HTR4: variants seen among roughly 807,000 people sequenced by gnomAD.
The protein encoded by HTR4 is 5-hydroxytryptamine receptor 4.
HTR4 carries 16 observed loss-of-function variants against 36.8 expected under a neutral mutation model. The ratio of observed to expected loss-of-function variants is 0.43; its 90% CI spans 0.29 to 0.66. The LOEUF (loss-of-function observed/expected upper bound fraction) is 0.66, where lower values mean the gene tolerates loss of function less well. Among genes scored for constraint, HTR4 ranks in the 30% least tolerant of loss-of-function variants. HTR4 has a pLI of 0.13. For synonymous variants in HTR4, 189 were observed against 185.1 expected (o/e 1.02, Z -0.17); for missense variants, 438 against 490.9 (o/e 0.89, Z 1.02).
At chr5:148,473,004 A>G, downstream of HTR4, among the ~76,000 whole-genome samples, 1 of 152,184 alleles carries the variant, frequency 6.6e-6, no homozygotes, top group East Asian at 1.9e-4. Context: ...TGTAGAGGGA[A>G]AAAAGGTAGA....
chr5:148,484,891 C>T (rs1414462006), intron 6 of HTR4, among the ~76,000 whole-genome samples: 1 of 152,086 alleles, frequency 6.6e-6, no homozygotes, highest in African/African-American at 2.4e-5. Flanking sequence ...GCCCTCAGGC[C>T]TTTACATACT....
chr5:148,572,876 G>A lies in HTR4; in HGVS notation c.27-22614C>T, dbSNP rs564195721. Among the ~76,000 whole-genome samples, 12 of 152,154 alleles carry A rather than the reference G, an allele frequency of 7.9e-5. No homozygotes were observed. The South Asian group carries it at 1.2e-3, about 16-fold the overall frequency. On this transcript the variant is annotated intron_variant, in intron 2 of 6. Transcript: ENST00000377888. ...CAGGCTATGGATTCTAAAAGATATC[G>A]TGAATGCTAAAAGTGCTGGAAGATT...
chr5:148,617,500 G>A (rs534075425), intron 2 of HTR4, among the ~76,000 whole-genome samples: 25 of 149,138 alleles, frequency 1.7e-4, no homozygotes, highest in African/African-American at 6.0e-4. Context: ...ATGGAGTCTT[G>A]CCCTGTCACA....
chr5:148,654,002 T>G, intron 1 of HTR4, 60 bp downstream of exon 1: 2 of 932,352 alleles, frequency 2.1e-6, no homozygotes, highest in Non-Finnish European at 2.6e-6. Flanking sequence ...CCCCGCCGCG[T>G]CCCCACCGGC....
At chr5:148,642,999 T>C (rs1180607244) in intron 1 of HTR4, among the ~76,000 whole-genome samples, 2 of 152,184 alleles carry the variant, frequency 1.3e-5, no homozygotes, top group African/African-American at 4.8e-5. Context: ...TGCTGGATCT[T>C]ATTAGCACTG....
chr5:148,597,652 C>T (rs1276126879), intron 2 of HTR4, among the ~76,000 whole-genome samples: 1 of 152,204 alleles, frequency 6.6e-6, no homozygotes, highest in Non-Finnish European at 1.5e-5. Flanking sequence ...TCCCCAACCA[C>T]TGTCTAGCCT....
At chr5:148,469,028 T>G (rs1157951770) in intron 5 of HTR4, among the ~76,000 whole-genome samples, 1 of 152,188 alleles carries the variant, frequency 6.6e-6, no homozygotes, top group African/African-American at 2.4e-5. Flanking sequence ...GTGAGTCAAT[T>G]AAACCTGTTT....
At chr5:148,565,568 G>A (rs1760397873) in intron 2 of HTR4, among the ~76,000 whole-genome samples, 1 of 143,358 alleles carries the variant, frequency 7.0e-6, no homozygotes, top group African/African-American at 2.6e-5. Flanking sequence ...AATCATAAGA[G>A]AAGCAGGGAG....
At chr5:148,533,831 G>T (rs113727297) in intron 4 of HTR4, among the ~76,000 whole-genome samples, 14 of 152,198 alleles carry the variant, frequency 9.2e-5, no homozygotes, top group African/African-American at 3.4e-4. Context: ...GAAATAATAT[G>T]TTTAAAACAT....
At chr5:148,556,365 A>T (rs1759953217) in intron 2 of HTR4, among the ~76,000 whole-genome samples, 1 of 152,286 alleles carries the variant, frequency 6.6e-6, no homozygotes, top group South Asian at 2.1e-4. Flanking sequence ...GGTTTTGTTC[A>T]TAAACAGCTG....
intron 1 of HTR4, among the ~76,000 whole-genome samples, chr5:148,647,721 T>C (rs902408236): frequency 6.6e-6 from 1 of 152,188 alleles, no homozygotes; most frequent in Admixed American, 6.5e-5. Flanking sequence ...TGGTGTTGCA[T>C]GCCTGTAGTC....
chr5:148,529,559 T>C (rs1384243853), intron 4 of HTR4, among the ~76,000 whole-genome samples: 1 of 152,238 alleles, frequency 6.6e-6, no homozygotes, highest in Non-Finnish European at 1.5e-5. Context: ...TGTGAGTCCA[T>C]TGAATCTCTT....
At chr5:148,472,971 A>G (rs535659192), downstream of HTR4, among the ~76,000 whole-genome samples, 3 of 152,274 alleles carry the variant, frequency 2.0e-5, no homozygotes, top group African/African-American at 7.2e-5. Context: ...TTTTAAAAAC[A>G]TCAGCCTGAT....
rs552656405 is a variant in HTR4 at position 148,504,674 on chromosome 5, A to G, written c.1076+4782T>C. On this transcript the variant is annotated intron_variant, in intron 6 of 6. Coordinates refer to ENST00000377888, the MANE Select transcript of HTR4 (RefSeq NM_000870.7). ...AGAACTGAAGGAAATAGAGACACAA[A>G]AAACCCTTCAAAAAATCAATGAATC... Among the ~76,000 whole-genome samples the G allele has an allele frequency of 2.0e-5, 3 of 152,284 alleles. No individual in the cohort carries two copies. In the South Asian group the frequency reaches 6.2e-4, roughly 32 times the overall value.
downstream of HTR4, among the ~76,000 whole-genome samples, chr5:148,478,131 T>C (rs571189675): frequency 1.3e-5 from 2 of 152,328 alleles, no homozygotes; most frequent in South Asian, 4.1e-4. Context: ...CCCTGCCTCA[T>C]AGTCGGTGTT....
chr5:148,555,946 TCA>T (rs60289333), intron 2 of HTR4, among the ~76,000 whole-genome samples: 198 of 149,372 alleles, frequency 1.3e-3, no homozygotes, highest in Middle Eastern at 3.5e-3. Flanking sequence ...TTATACTTTG[TCA>T]CACACACACA....
At chr5:148,586,939 C>CT (rs1232861513) in intron 2 of HTR4, among the ~76,000 whole-genome samples, 1 of 152,120 alleles carries the variant, frequency 6.6e-6, no homozygotes, top group African/African-American at 2.4e-5. Context: ...CACAGATTTT[C>CT]TTTTTCTTTT....
At chr5:148,638,549 G>A (rs1284084740) in intron 1 of HTR4, among the ~76,000 whole-genome samples, 5 of 152,138 alleles carry the variant, frequency 3.3e-5, no homozygotes, top group Non-Finnish European at 7.3e-5. Context: ...TTTCCCAGGT[G>A]TAGACAGTGC....
chr5:148,564,053 T>G (rs1760330332), intron 2 of HTR4, among the ~76,000 whole-genome samples: 1 of 152,224 alleles, frequency 6.6e-6, no homozygotes, highest in South Asian at 2.1e-4. Context: ...ATTAGCTAAT[T>G]TCTCCCTCTT....
Sources: allele counts gnomAD v4.1 joint callset (sites outside exome capture counted in the v4.1 genomes callset), GRCh38; gene constraint gnomAD v4.1.1; transcripts MANE v1.5; gene names NCBI Gene and HGNC (gene_info 2026-07-23, HGNC 2026-07-21).